Variants in CAPZB observed in about 807,000 individuals in gnomAD.
CAPZB encodes capping actin protein of muscle Z-line subunit beta.
Under a neutral mutation model 38.1 loss-of-function variants are expected in CAPZB, and 2 were observed. The observed-to-expected ratio is 0.05, with a 90% confidence interval of 0.02 to 0.17. The LOEUF is 0.17. Ranked by LOEUF, CAPZB falls within the 10% of genes least tolerant of loss-of-function variation. The pLI, the probability that CAPZB is intolerant of heterozygous loss-of-function variation, is 1.00. For synonymous variants in CAPZB, 107 were observed against 127.4 expected (o/e 0.84, Z 1.08); for missense variants, 161 against 334.2 (o/e 0.48, Z 4.04).
At chr1:19,409,609 C>T (rs1240320018) in intron 2 of CAPZB, among the ~76,000 whole-genome samples, 1 of 152,200 alleles carries the variant, frequency 6.6e-6, no homozygotes, top group Admixed American at 6.5e-5. Context: ...GGGTTCAAAG[C>T]TTAGCTCCAC....
Position 19,373,336 on chromosome 1 carries a change from G to C in CAPZB, c.329+5204C>G, listed in dbSNP as rs776007801. On this transcript the variant is annotated intron_variant, in intron 4 of 8. Transcript: ENST00000264202. Reference sequence around the variant, plus strand: ...GGAGAGGGGCTGCCACATCTCCAAGGAGTTACAAGCCAGAAAGGCCTGCTG... The same window carrying C: ...GGAGAGGGGCTGCCACATCTCCAAGCAGTTACAAGCCAGAAAGGCCTGCTG... Among the ~76,000 whole-genome samples the C allele has an allele frequency of 6.6e-5, 10 of 152,178 alleles. No individual in the cohort carries two copies. The South Asian group carries it at 1.7e-3, about 25-fold the overall frequency.
intron 1 of CAPZB, among the ~76,000 whole-genome samples, chr1:19,477,392 C>G (rs1245946868): frequency 6.6e-6 from 1 of 152,244 alleles, no homozygotes; most frequent in Non-Finnish European, 1.5e-5. Flanking sequence ...ATGACAACAG[C>G]TCACATTGGA....
chr1:19,479,208 TCAAA>T (rs1409774580), intron 1 of CAPZB, among the ~76,000 whole-genome samples: 4 of 152,074 alleles, frequency 2.6e-5, no homozygotes, highest in Non-Finnish European at 5.9e-5. Context: ...AGACTCTGTC[TCAAA>T]CAAACAAACA....
In CAPZB at chr1:19,403,045, A is replaced by C. The variant is rs890170165; in HGVS notation, c.93+16616T>G. ...GCCTGGGCAACAAGAACAAAACTCC[A>C]TCTCTAAAACAAAACAAAAAAAAAG... On this transcript the variant is annotated intron_variant, in intron 2 of 8. Transcript: ENST00000264202. 7.1e-4 allele frequency among the ~76,000 whole-genome samples: 106 copies of C among 148,726 alleles called. 3 individuals carry two copies. The highest frequency in any genetic ancestry group is 2.4e-4 in the Non-Finnish European group (16 of 66,772).
At chr1:19,463,297 C>G (rs566438170) in intron 1 of CAPZB, among the ~76,000 whole-genome samples, 1 of 152,200 alleles carries the variant, frequency 6.6e-6, no homozygotes, top group Non-Finnish European at 1.5e-5. Context: ...ACTTGTGCCG[C>G]TCTTCTCCAC....
At chr1:19,484,982 G>A (rs2094645906) in intron 1 of CAPZB, among the ~76,000 whole-genome samples, 1 of 152,148 alleles carries the variant, frequency 6.6e-6, no homozygotes, top group Non-Finnish European at 1.5e-5. Flanking sequence ...GAGGGACAGA[G>A]GGAGGCAGCG....
intron 2 of CAPZB, among the ~76,000 whole-genome samples, chr1:19,397,989 G>A (rs889956823): frequency 1.3e-5 from 2 of 152,114 alleles, no homozygotes; most frequent in African/African-American, 4.8e-5. Context: ...TCTGCACGTC[G>A]ACACTGGTGG....
intron 4 of CAPZB, among the ~76,000 whole-genome samples, chr1:19,377,230 A>T (rs559547565): frequency 4.3e-4 from 65 of 152,360 alleles, no homozygotes; most frequent in African/African-American, 1.4e-3. Flanking sequence ...TGGGGAAGGA[A>T]CTATTCTACA....
intron 3 of CAPZB, among the ~76,000 whole-genome samples, chr1:19,380,948 T>A (rs1479974509): frequency 2.0e-5 from 3 of 151,934 alleles, no homozygotes; most frequent in Non-Finnish European, 2.9e-5. Context: ...GGCGGGAGGA[T>A]CACAAGGTCA....
chr1:19,461,820 A>G (rs970347246), intron 1 of CAPZB, among the ~76,000 whole-genome samples: 1 of 152,196 alleles, frequency 6.6e-6, no homozygotes, highest in African/African-American at 2.4e-5. Context: ...ACTGAGCCTC[A>G]GTTTTCTTGT....
chr1:19,456,818 G>A (rs923863356), intron 1 of CAPZB, among the ~76,000 whole-genome samples: 1 of 152,232 alleles, frequency 6.6e-6, no homozygotes, highest in African/African-American at 2.4e-5. Context: ...GAGAAGGGAA[G>A]ATGATGCTTA....
chr1:19,358,288 C>T (rs943350110), intron 4 of CAPZB, among the ~76,000 whole-genome samples: 2 of 152,178 alleles, frequency 1.3e-5, no homozygotes, highest in African/African-American at 2.4e-5. Context: ...CAGGTGTGCA[C>T]CACTGCACTT....
At chr1:19,426,156 G>A (rs1173367727) in intron 1 of CAPZB, among the ~76,000 whole-genome samples, 1 of 152,190 alleles carries the variant, frequency 6.6e-6, no homozygotes, top group African/African-American at 2.4e-5. Context: ...CTACTCAGGG[G>A]GCAGCTATGC....
At chr1:19,483,044 G>A (rs1192296693) in intron 1 of CAPZB, among the ~76,000 whole-genome samples, 2 of 152,186 alleles carry the variant, frequency 1.3e-5, no homozygotes, top group African/African-American at 2.4e-5. Context: ...GCCAGGTGCT[G>A]TTCTAGGCCC....
intron 1 of CAPZB, among the ~76,000 whole-genome samples, chr1:19,433,323 G>T (rs1286125828): frequency 6.6e-6 from 1 of 152,138 alleles, no homozygotes; most frequent in East Asian, 1.9e-4. Flanking sequence ...AGTAAAGCAG[G>T]GTGCTCCTGT....
Position 19,396,007 on chromosome 1 carries a change from T to C in CAPZB, c.94-10381A>G, listed in dbSNP as rs1191862909. Among the ~76,000 whole-genome samples the C allele has an allele frequency of 2.6e-5, 4 of 152,218 alleles. No homozygotes were observed. In the East Asian group the frequency reaches 7.7e-4, roughly 29 times the overall value. On this transcript the variant is annotated intron_variant, in intron 2 of 8. Coordinates refer to ENST00000264202, the MANE Select transcript of CAPZB (RefSeq NM_004930.5). ...TGCATGTCTATCCAGACCACCTTTC[T>C]TCCCCGTGTTCCACCTAAGTCATCC...
intron 1 of CAPZB, among the ~76,000 whole-genome samples, chr1:19,452,049 T>C (rs2094517947): frequency 6.6e-6 from 1 of 151,934 alleles, no homozygotes; most frequent in Non-Finnish European, 1.5e-5. Context: ...CCCCAACCCA[T>C]CCTCTCTGCA....
intron 1 of CAPZB, among the ~76,000 whole-genome samples, chr1:19,483,515 C>CCACCCT (rs1197483030): frequency 6.6e-6 from 1 of 152,248 alleles, no homozygotes; most frequent in African/African-American, 2.4e-5. Context: ...GACAGTTCCT[C>CCACCCT]CACCCTTTCC....
At chr1:19,362,196 A>AC (rs2094056649) in intron 4 of CAPZB, among the ~76,000 whole-genome samples, 1 of 151,794 alleles carries the variant, frequency 6.6e-6, no homozygotes, top group African/African-American at 2.4e-5. Flanking sequence ...TTTTTATTAT[A>AC]TTTTTTTGAG....
Sources: gnomAD v4.1 joint callset for allele counts (sites outside exome capture counted in the v4.1 genomes callset) on GRCh38, gnomAD v4.1.1 for gene constraint, MANE v1.5 for transcripts, NCBI Gene and HGNC (gene_info 2026-07-23, HGNC 2026-07-21) for gene names.